The following MALRD1 variants were observed in gnomAD, a reference collection of about 807,000 sequenced individuals.
MALRD1 encodes the protein MAM and LDL receptor class A domain containing 1, also known as MAM and LDL-receptor class A domain-containing protein 1.
A neutral mutation model predicts 242.1 loss-of-function variants in MALRD1; 247 were observed. The ratio of observed to expected loss-of-function variants is 1.02; its 90% CI spans 0.92 to 1.13. The LOEUF is 1.13. Ranked by LOEUF, MALRD1 falls within the 50% of genes most tolerant of loss-of-function variation. The probability of loss-of-function intolerance (pLI) is 0.00; values close to 1 mark genes in which losing one functional copy is unlikely to be tolerated. For missense variants in MALRD1, 2,989 were observed against 2,533.1 expected (o/e 1.18, Z -3.86); for synonymous variants, 995 against 866.6 (o/e 1.15, Z -2.60).
chr10:19,663,950 G>A (rs73595887), intron 36 of MALRD1, among the ~76,000 whole-genome samples: 3,852 of 152,100 alleles, frequency 0.025, 134 homozygotes, highest in African/African-American at 0.087. Flanking sequence ...TTTCTGGGTT[G>A]TGGCCTTTTC....
chr10:19,437,253 T>A (rs943199393), intron 28 of MALRD1, among the ~76,000 whole-genome samples: 1 of 152,136 alleles, frequency 6.6e-6, no homozygotes, highest in Non-Finnish European at 1.5e-5. Context: ...TTCTTCGTTT[T>A]ATTTTGTTTC....
chr10:19,639,132 A>C (rs1413854470), intron 36 of MALRD1, among the ~76,000 whole-genome samples: 2 of 152,188 alleles, frequency 1.3e-5, no homozygotes, highest in Non-Finnish European at 2.9e-5. Flanking sequence ...AAAAATGAGC[A>C]ATATTTTTCT....
intron 34 of MALRD1, among the ~76,000 whole-genome samples, chr10:19,607,252 A>G (rs1390581078): frequency 6.6e-6 from 1 of 152,126 alleles, no homozygotes; most frequent in Non-Finnish European, 1.5e-5. Flanking sequence ...AATAACACCC[A>G]CTGGATAGCT....
chr10:19,150,247 A>T (rs560318155), intron 11 of MALRD1, among the ~76,000 whole-genome samples: 1 of 151,454 alleles, frequency 6.6e-6, no homozygotes, highest in African/African-American at 2.4e-5. Flanking sequence ...TTTTTTTTGC[A>T]CTCTGGTTGG....
chr10:19,076,556 C>T (rs1052176891), intron 2 of MALRD1, among the ~76,000 whole-genome samples: 3 of 151,952 alleles, frequency 2.0e-5, no homozygotes, highest in Admixed American at 1.3e-4. Context: ...TCTACACTTT[C>T]CTCACTGAAT....
At chr10:19,276,632 G>A (rs1840540600) in intron 19 of MALRD1, among the ~76,000 whole-genome samples, 1 of 152,028 alleles carries the variant, frequency 6.6e-6, no homozygotes, top group Non-Finnish European at 1.5e-5. Flanking sequence ...AAAGTCATCA[G>A]CATTCAAAAA....
chr10:19,235,263 A>T (rs1184694881), intron 18 of MALRD1, among the ~76,000 whole-genome samples: 2 of 152,156 alleles, frequency 1.3e-5, no homozygotes, highest in African/African-American at 4.8e-5. Flanking sequence ...TCTTGTCTAC[A>T]GCCCTGCTGG....
chr10:19,333,826 T>C (rs1008539411), intron 24 of MALRD1, among the ~76,000 whole-genome samples: 2 of 152,080 alleles, frequency 1.3e-5, no homozygotes, highest in Non-Finnish European at 2.9e-5. Flanking sequence ...TTTGGCTTTT[T>C]AATAAAGGCA....
intron 19 of MALRD1, among the ~76,000 whole-genome samples, chr10:19,262,519 G>A (rs901710821): frequency 3.9e-5 from 6 of 151,978 alleles, no homozygotes; most frequent in Non-Finnish European, 7.4e-5. Flanking sequence ...AGCTGGGCAT[G>A]GTGGCACACA....
At chr10:19,380,110 G>T (rs999681795) in intron 26 of MALRD1, among the ~76,000 whole-genome samples, 2 of 151,432 alleles carry the variant, frequency 1.3e-5, no homozygotes, top group African/African-American at 4.9e-5. Context: ...AAGTAGCTGG[G>T]ATTACAGACA....
chr10:19,399,056 A>G (rs1005280864), intron 28 of MALRD1, among the ~76,000 whole-genome samples: 6 of 152,196 alleles, frequency 3.9e-5, no homozygotes, highest in Non-Finnish European at 7.3e-5. Flanking sequence ...AGTCATAGAC[A>G]TTGTCATCTT....
intron 28 of MALRD1, among the ~76,000 whole-genome samples, chr10:19,439,406 G>A (rs1834507347): frequency 6.6e-6 from 1 of 151,970 alleles, no homozygotes; most frequent in African/African-American, 2.4e-5. Context: ...GATTGTAGTG[G>A]CGCATCCCTG....
chr10:19,416,893 A>G (rs535626254), intron 28 of MALRD1, among the ~76,000 whole-genome samples: 1 of 152,252 alleles, frequency 6.6e-6, no homozygotes, highest in Admixed American at 6.5e-5. Context: ...TCACTGACCA[A>G]TCCCTAAAAC....
intron 28 of MALRD1, among the ~76,000 whole-genome samples, chr10:19,400,118 T>C (rs558122469): frequency 6.6e-6 from 1 of 152,346 alleles, no homozygotes; most frequent in African/African-American, 2.4e-5. Flanking sequence ...ATACACTGTC[T>C]ACTATCATGG....
At chr10:19,388,153 A>C (rs1265468311) in intron 27 of MALRD1, among the ~76,000 whole-genome samples, 1 of 152,124 alleles carries the variant, frequency 6.6e-6, no homozygotes, top group Non-Finnish European at 1.5e-5. Context: ...TCTTCTCTGT[A>C]AGCATGTCTG....
chr10:19,424,608 T>G (rs577725004), intron 28 of MALRD1, among the ~76,000 whole-genome samples: 1 of 152,234 alleles, frequency 6.6e-6, no homozygotes, highest in Non-Finnish European at 1.5e-5. Flanking sequence ...CTAAAGTAAT[T>G]TTCAGTGTTA....
intron 36 of MALRD1, among the ~76,000 whole-genome samples, chr10:19,642,897 A>G (rs529388618): frequency 5.9e-5 from 9 of 152,198 alleles, no homozygotes; most frequent in Non-Finnish European, 1.0e-4. Context: ...GCTGATAGGC[A>G]TGAGCAAACA....
chr10:19,476,919 C>A (rs11010109), intron 29 of MALRD1, among the ~76,000 whole-genome samples: 3,626 of 77,050 alleles, frequency 0.047, 168 homozygotes, highest in African/African-American at 0.16. Flanking sequence ...AACCTAACTT[C>A]TTTGTCAAAT....
chr10:19,323,067 C>T (rs1383530204), intron 21 of MALRD1, among the ~76,000 whole-genome samples: 1 of 151,930 alleles, frequency 6.6e-6, no homozygotes, highest in Admixed American at 6.6e-5. Flanking sequence ...TTGTTTCCAT[C>T]ATTATTTTTC....
Sources: gnomAD v4.1 joint callset for allele counts (sites outside exome capture counted in the v4.1 genomes callset) on GRCh38, gnomAD v4.1.1 for gene constraint, MANE v1.5 for transcripts, NCBI Gene and HGNC (gene_info 2026-07-23, HGNC 2026-07-21) for gene names.